The following PRPSAP2 variants were observed in gnomAD, a reference collection of about 807,000 sequenced individuals.
PRPSAP2 encodes the protein phosphoribosyl pyrophosphate synthase-associated protein 2.
In PRPSAP2, 24 loss-of-function variants were observed where a neutral mutation model predicts 40.6. The observed-to-expected ratio is 0.59, with a 90% CI of 0.43 to 0.83. The LOEUF is 0.83. PRPSAP2 is among the 40% of genes least tolerant of loss of function. PRPSAP2 has a pLI of 0.00. For missense variants in PRPSAP2, 292 were observed against 465.6 expected (o/e 0.63, Z 3.43); for synonymous variants, 149 against 164.7 (o/e 0.90, Z 0.73).
chr17:18,889,872 G>A lies in PRPSAP2; in HGVS notation c.579G>A (p.Ala193=), dbSNP rs756340799. The stretch of plus-strand genomic sequence containing the variant: ...TCGTGGCCAAGTCTCCAGCCTCGGC[G>A]AAGAGGTAGGTGGGAATCTCACAAC... ...AVIVAKSPAS[A]KRAQSFAERL... is the part of the protein sequence containing the mutation. The change falls in exon 8 of 12, where the codon GCG becomes GCA. Residue 193 remains alanine, a synonymous_variant. Transcript: ENST00000268835. The A allele has an allele frequency of 2.5e-6, 4 of 1,610,896 alleles. No homozygotes were observed. Among genetic ancestry groups the A allele is most frequent in the East Asian group, 2.2e-5 (1 of 44,778 alleles).
intron 8 of PRPSAP2, among the ~76,000 whole-genome samples, chr17:18,898,841 G>A (rs187946779): frequency 3.9e-5 from 6 of 152,144 alleles, no homozygotes; most frequent in South Asian, 2.1e-4. Flanking sequence ...TAGTCCTACC[G>A]TCTTTCTCCT....
intron 8 of PRPSAP2, among the ~76,000 whole-genome samples, chr17:18,905,672 C>T (rs768578457): frequency 6.6e-6 from 1 of 151,950 alleles, no homozygotes; most frequent in African/African-American, 2.4e-5. Flanking sequence ...CTCCGCCTCC[C>T]GGGTTCAAGT....
At chr17:18,864,177 C>T (rs191475037) in intron 1 of PRPSAP2, among the ~76,000 whole-genome samples, 115 of 151,998 alleles carry the variant, frequency 7.6e-4, no homozygotes, top group African/African-American at 2.6e-3. Context: ...ATGGAGGTCA[C>T]ATGTATAAAT....
At chr17:18,858,723 G>C (rs918918867) in intron 1 of PRPSAP2, 2 of 152,136 alleles carry the variant, frequency 1.3e-5, no homozygotes, top group African/African-American at 4.8e-5. Context: ...AGCAGAGATT[G>C]AGGGGGAACC....
chr17:18,862,791 T>TTTTTTTTATTTA (rs2037123850), intron 1 of PRPSAP2, among the ~76,000 whole-genome samples: 1 of 149,222 alleles, frequency 6.7e-6, no homozygotes, highest in South Asian at 2.1e-4. Context: ...TGTAACACCC[T>TTTTTTTTATTTA]TTTATTTATT....
rs149977547 is a variant in PRPSAP2 at position 18,891,363 on chromosome 17, G to A, written c.584+1486G>A. Among the ~76,000 whole-genome samples, 696 of 152,276 alleles carry A rather than the reference G, an allele frequency of 4.6e-3. 5 individuals are homozygous for A. The highest frequency in any genetic ancestry group is 0.015 in the African/African-American group (641 of 41,554). ...AAAACCATTACATGGCTGTGTTCTT[G>A]TGGCTGACTTTCCCAACCCAGCCGG... On this transcript the variant is annotated intron_variant, in intron 8 of 11. Transcript: ENST00000268835.
intron 7 of PRPSAP2, among the ~76,000 whole-genome samples, chr17:18,883,886 T>C (rs1014004035): frequency 6.6e-6 from 1 of 152,126 alleles, no homozygotes; most frequent in Non-Finnish European, 1.5e-5. Context: ...TATAAGTCCT[T>C]ATAGAGAAAA....
At chr17:18,884,039 C>T (rs534706530) in intron 7 of PRPSAP2, among the ~76,000 whole-genome samples, 4 of 151,904 alleles carry the variant, frequency 2.6e-5, no homozygotes, top group Admixed American at 6.6e-5. Context: ...GAGTCTGAGG[C>T]GGGTGGATCA....
rs1250401276 is a variant in PRPSAP2 at position 18,888,819 on chromosome 17, A to G, written c.529-1003A>G. Among the ~76,000 whole-genome samples, 27 of 34,354 alleles carry G rather than the reference A, an allele frequency of 7.9e-4. 8 individuals are homozygous for G. Among genetic ancestry groups the G allele is most frequent in the African/African-American group, 3.2e-3 (26 of 8,178 alleles). 22.5% of individuals were successfully genotyped at this position (34,354 alleles called of 152,430 possible). On this transcript the variant is annotated intron_variant, in intron 7 of 11. Coordinates refer to ENST00000268835, the MANE Select transcript of PRPSAP2 (RefSeq NM_002767.4). Reference sequence around the variant, plus strand: ...GCAGAGGGGCTCCTCACTTCCCAGTAGGGGTGGCCGGGCAGAGGCGCCCCT... The same window carrying G: ...GCAGAGGGGCTCCTCACTTCCCAGTGGGGGTGGCCGGGCAGAGGCGCCCCT...
upstream of PRPSAP2, among the ~76,000 whole-genome samples, chr17:18,857,560 C>G (rs1289816929): frequency 2.7e-5 from 4 of 148,114 alleles, no homozygotes; most frequent in African/African-American, 5.0e-5. Context: ...ATTACAGGCG[C>G]GCACCACCAC....
intron 4 of PRPSAP2, among the ~76,000 whole-genome samples, chr17:18,868,975 C>T (rs1037110860): frequency 1.3e-5 from 2 of 152,096 alleles, no homozygotes; most frequent in African/African-American, 4.8e-5. Flanking sequence ...TTCTGTCTCC[C>T]AAGATCCCTA....
intron 8 of PRPSAP2, among the ~76,000 whole-genome samples, chr17:18,906,166 G>A (rs1391960580): frequency 6.6e-6 from 1 of 152,136 alleles, no homozygotes; most frequent in African/African-American, 2.4e-5. Flanking sequence ...TCATAGATAG[G>A]ACCAGACCAA....
At chr17:18,877,947 G>A in intron 6 of PRPSAP2, 77 bp downstream of exon 6, 3 of 1,437,110 alleles carry the variant, frequency 2.1e-6, no homozygotes, top group Non-Finnish European at 2.8e-6. Flanking sequence ...TTTAAGACAG[G>A]GTCTTGCCCT....
chr17:18,859,135 GA>G (rs1387259832), intron 1 of PRPSAP2, among the ~76,000 whole-genome samples: 1 of 152,042 alleles, frequency 6.6e-6, no homozygotes, highest in Non-Finnish European at 1.5e-5. Flanking sequence ...CTTGTTCTTT[GA>G]AAAGTCTTAT....
chr17:18,928,548 G>C (rs918742796), intron 10 of PRPSAP2: 3 of 452,238 alleles, frequency 6.6e-6, no homozygotes, highest in South Asian at 5.8e-5. Context: ...GCAGAAAACA[G>C]TGCTACCCCT....
At chr17:18,925,961 C>T (rs181896266) in intron 10 of PRPSAP2, among the ~76,000 whole-genome samples, 49 of 152,038 alleles carry the variant, frequency 3.2e-4, no homozygotes, top group African/African-American at 1.0e-3. Flanking sequence ...AAAAATTAGC[C>T]GGGCGTAGTG....
intron 4 of PRPSAP2, among the ~76,000 whole-genome samples, chr17:18,872,067 G>A (rs528423116): frequency 1.3e-5 from 2 of 152,162 alleles, no homozygotes; most frequent in South Asian, 2.1e-4. Flanking sequence ...TCAGGAGATC[G>A]AGACCATCCT....
At chr17:18,876,713 GAGAGGGC>G (rs1414179084) in intron 5 of PRPSAP2, among the ~76,000 whole-genome samples, 1 of 152,198 alleles carries the variant, frequency 6.6e-6, no homozygotes, top group East Asian at 1.9e-4. Flanking sequence ...TGATAGTGGT[GAGAGGGC>G]AGAGAGAGGC....
chr17:18,884,167 T>C (rs1341302609), intron 7 of PRPSAP2, among the ~76,000 whole-genome samples: 5 of 152,136 alleles, frequency 3.3e-5, no homozygotes, highest in Non-Finnish European at 7.3e-5. Context: ...CTTGGGAGGC[T>C]GAGGCAGGAG....
Sources: allele counts gnomAD v4.1 joint callset (sites outside exome capture counted in the v4.1 genomes callset), GRCh38; gene constraint gnomAD v4.1.1; transcripts MANE v1.5; gene names NCBI Gene and HGNC (gene_info 2026-07-23, HGNC 2026-07-21).